Variants in LRFN2 observed in about 807,000 individuals in gnomAD.
The protein encoded by LRFN2 is leucine rich repeat and fibronectin type III domain containing 2.
LRFN2 carries 18 observed loss-of-function variants against 37.3 expected under a neutral mutation model. The ratio of observed to expected loss-of-function variants is 0.48; its 90% confidence interval spans 0.33 to 0.72. The LOEUF is 0.72. Ranked by LOEUF, LRFN2 falls within the 30% of genes least tolerant of loss-of-function variation. The pLI is 0.02. For missense variants in LRFN2, 1,006 were observed against 1,060.7 expected, an observed-to-expected ratio of 0.95 and a Z score of 0.72; for synonymous variants, 556 against 466.6, an observed-to-expected ratio of 1.19 and a Z score of -2.47.
intron 1 of LRFN2, among the ~76,000 whole-genome samples, chr6:40,534,620 T>C (rs752222622): frequency 7.2e-5 from 11 of 152,200 alleles, no homozygotes; most frequent in Admixed American, 3.9e-4. Flanking sequence ...AAAGATTTTA[T>C]GAGACTTGGC....
At chr6:40,409,477 T>A (rs1762914787) in intron 2 of LRFN2, among the ~76,000 whole-genome samples, 1 of 152,178 alleles carries the variant, frequency 6.6e-6, no homozygotes, top group Admixed American at 6.5e-5. Flanking sequence ...GAGAGTATGT[T>A]TATGCAATAA....
intron 2 of LRFN2, among the ~76,000 whole-genome samples, chr6:40,394,422 C>T (rs1417873214): frequency 6.6e-6 from 1 of 152,170 alleles, no homozygotes; most frequent in African/African-American, 2.4e-5. Flanking sequence ...CAGTTCCCAT[C>T]AACCCCTCAA....
chr6:40,488,595 C>G (rs913795010), intron 1 of LRFN2, among the ~76,000 whole-genome samples: 4 of 152,186 alleles, frequency 2.6e-5, no homozygotes, highest in Non-Finnish European at 5.9e-5. Context: ...CTTGACCAAG[C>G]CATTTATCAA....
At chr6:40,495,574 T>C (rs1765205977) in intron 1 of LRFN2, among the ~76,000 whole-genome samples, 1 of 152,200 alleles carries the variant, frequency 6.6e-6, no homozygotes, top group Non-Finnish European at 1.5e-5. Flanking sequence ...ACTCTCCTCA[T>C]GGCCATCCAT....
intron 1 of LRFN2, among the ~76,000 whole-genome samples, chr6:40,566,225 T>A (rs945637007): frequency 1.3e-5 from 2 of 152,132 alleles, no homozygotes; most frequent in African/African-American, 4.8e-5. Context: ...CATTAAAAAG[T>A]CAGGAAACAA....
At chr6:40,461,003 A>G (rs1400520360) in intron 1 of LRFN2, among the ~76,000 whole-genome samples, 1 of 152,210 alleles carries the variant, frequency 6.6e-6, no homozygotes, top group African/African-American at 2.4e-5. Context: ...ATTGTAATGT[A>G]ACATTTGATT....
intron 1 of LRFN2, among the ~76,000 whole-genome samples, chr6:40,437,794 C>T (rs764473982): frequency 6.6e-6 from 1 of 152,118 alleles, no homozygotes; most frequent in Non-Finnish European, 1.5e-5. Context: ...TGGACAAATG[C>T]TGTAAAGAGG....
chr6:40,587,279 T>TC lies in LRFN2; in HGVS notation c.-358dup, dbSNP rs1767521089. The TC allele has an allele frequency of 6.6e-6, 1 of 152,142 alleles. No homozygotes were observed. The highest frequency in any genetic ancestry group is 2.1e-4 in the South Asian group (1 of 4,830). The allele number at this position is 152,142 out of a possible 1,614,324, so 9.4% of individuals were successfully genotyped here. On this transcript the variant is annotated 5_prime_UTR_variant, in exon 1 of 3. It removes the in-frame stop codon of an upstream open reading frame in the 5' UTR. Coordinates refer to ENST00000338305, the MANE Select transcript of LRFN2 (RefSeq NM_020737.3). The surrounding 1 kb of genome is among the most constrained non-coding windows in gnomAD (Gnocchi z 4.2). ...TTCCGGATCGAAGAACCCCAGGCAT[T>TC]CCCAGGAACCTCGGGCATCTTGGAA...
At chr6:40,453,402 G>T (rs958038508) in intron 1 of LRFN2, among the ~76,000 whole-genome samples, 1 of 151,702 alleles carries the variant, frequency 6.6e-6, no homozygotes, top group Admixed American at 6.6e-5. Flanking sequence ...AAGCATCCAT[G>T]TAACAAGGAT....
intron 1 of LRFN2, among the ~76,000 whole-genome samples, chr6:40,558,492 C>T (rs59279244): frequency 9.4e-4 from 143 of 152,206 alleles, no homozygotes; most frequent in African/African-American, 3.1e-3. Context: ...CTCTGGGATT[C>T]AAACAGTCAG....
chr6:40,502,902 T>C (rs1765424440), intron 1 of LRFN2, among the ~76,000 whole-genome samples: 1 of 152,230 alleles, frequency 6.6e-6, no homozygotes, highest in Admixed American at 6.5e-5. Context: ...CTAGGACAGT[T>C]GTCATAGAAC....
intron 1 of LRFN2, among the ~76,000 whole-genome samples, chr6:40,492,184 G>A (rs915638068): frequency 6.6e-6 from 1 of 152,232 alleles, no homozygotes; most frequent in Non-Finnish European, 1.5e-5. Context: ...GAGGAACGGG[G>A]AGGATGACTT....
chr6:40,430,540 C>A (rs910367050), intron 2 of LRFN2, among the ~76,000 whole-genome samples: 5 of 152,208 alleles, frequency 3.3e-5, no homozygotes, highest in Non-Finnish European at 5.9e-5. Context: ...TAGGCCATGT[C>A]CTTCATGTTT....
intron 1 of LRFN2, among the ~76,000 whole-genome samples, chr6:40,454,938 C>T (rs1042739784): frequency 1.3e-5 from 2 of 152,154 alleles, no homozygotes; most frequent in Non-Finnish European, 2.9e-5. Context: ...TATTTATCTT[C>T]TATATGCTGT....
chr6:40,494,237 C>T (rs1372572127), intron 1 of LRFN2, among the ~76,000 whole-genome samples: 1 of 152,198 alleles, frequency 6.6e-6, no homozygotes, highest in African/African-American at 2.4e-5. Context: ...CATTCCTGCT[C>T]CTCAAATGTC....
chr6:40,412,170 C>A (rs1247903524), intron 2 of LRFN2, among the ~76,000 whole-genome samples: 1 of 152,072 alleles, frequency 6.6e-6, no homozygotes, highest in Non-Finnish European at 1.5e-5. Context: ...GTGAGTGATC[C>A]ATGGAAGGAT....
chr6:40,477,977 T>C (rs1326527240), intron 1 of LRFN2, among the ~76,000 whole-genome samples: 1 of 152,210 alleles, frequency 6.6e-6, no homozygotes, highest in Admixed American at 6.5e-5. Flanking sequence ...ATGGTAAACC[T>C]GTTTGTGGCT....
At chr6:40,479,490 C>T (rs1010997758) in intron 1 of LRFN2, among the ~76,000 whole-genome samples, 1 of 152,244 alleles carries the variant, frequency 6.6e-6, no homozygotes, top group Non-Finnish European at 1.5e-5. Context: ...AGCTAAGCTA[C>T]TTCTGCTAAG....
chr6:40,466,431 A>AGGGGC (rs1764468452), intron 1 of LRFN2, among the ~76,000 whole-genome samples: 12 of 152,146 alleles, frequency 7.9e-5, no homozygotes, highest in African/African-American at 2.9e-4. Context: ...ATTTTTAAAG[A>AGGGGC]TCCCCTGATG....
Sources: gnomAD v4.1 joint callset for allele counts (sites outside exome capture counted in the v4.1 genomes callset) on GRCh38, gnomAD v4.1.1 for gene constraint, Gnocchi (gnomAD v3.1) non-coding constraint, MANE v1.5 for transcripts, NCBI Gene and HGNC (gene_info 2026-07-23, HGNC 2026-07-21) for gene names.